CHP1: variants seen among roughly 807,000 people sequenced by gnomAD.
CHP1 encodes the protein calcineurin B homologous protein 1.
A neutral mutation model predicts 27.4 loss-of-function variants in CHP1; 11 were observed. The ratio of observed to expected loss-of-function variants is 0.40; its 90% CI spans 0.25 to 0.67. The LOEUF (loss-of-function observed/expected upper bound fraction) is 0.67. Among genes scored for constraint, CHP1 ranks in the 30% least tolerant of loss-of-function variants. The pLI is 0.38. For synonymous variants in CHP1, 89 were observed against 87.4 expected (o/e 1.02, Z -0.10); for missense variants, 169 against 251.3 (o/e 0.67, Z 2.22).
chr15:41,248,604 T>A (rs2047348063), intron 2 of CHP1, among the ~76,000 whole-genome samples: 1 of 152,028 alleles, frequency 6.6e-6, no homozygotes. Flanking sequence ...TTGATCTCTA[T>A]CATGGTGTGG....
At chr15:41,278,731 C>T (rs762068694) in intron 5 of CHP1, 36 bp from the exon 6 acceptor site, 2 of 1,613,482 alleles carry the variant, frequency 1.2e-6, no homozygotes, top group Non-Finnish European at 8.5e-7. Flanking sequence ...CTCTGATTCC[C>T]AAGGCCCTTG....
At chr15:41,255,890 G>A (rs189436209) in intron 2 of CHP1, among the ~76,000 whole-genome samples, 28 of 152,212 alleles carry the variant, frequency 1.8e-4, no homozygotes, top group Admixed American at 1.8e-3. Flanking sequence ...GGTGGAGAGT[G>A]CCTGTAATCC....
chr15:41,251,640 A>T (rs984078900), intron 2 of CHP1, among the ~76,000 whole-genome samples: 1 of 152,114 alleles, frequency 6.6e-6, no homozygotes, highest in African/African-American at 2.4e-5. Flanking sequence ...TGAACTGCCC[A>T]TGTGAGGGAT....
chr15:41,277,791 G>GAAAAAAAAA (rs559045538), intron 5 of CHP1, among the ~76,000 whole-genome samples: 1 of 117,940 alleles, frequency 8.5e-6, no homozygotes, highest in African/African-American at 3.3e-5. Context: ...TCCGCCTCAG[G>GAAAAAAAAA]AAAAAAAAAA....
At chr15:41,237,217 G>C (rs2047282082) in intron 1 of CHP1, among the ~76,000 whole-genome samples, 1 of 150,410 alleles carries the variant, frequency 6.6e-6, no homozygotes, top group Non-Finnish European at 1.5e-5. Context: ...CGCGATCTCA[G>C]CTCACTGCAA....
intron 1 of CHP1, among the ~76,000 whole-genome samples, chr15:41,241,013 CA>C (rs1343080397): frequency 6.6e-6 from 1 of 152,062 alleles, no homozygotes; most frequent in Non-Finnish European, 1.5e-5. Context: ...CCACCACACC[CA>C]GCAGATTTTT....
intron 2 of CHP1, 86 bp downstream of exon 2, chr15:41,243,825 A>G: frequency 1.9e-6 from 2 of 1,052,404 alleles, no homozygotes; most frequent in South Asian, 2.8e-5. Context: ...CCTAGGGTAG[A>G]CATGATAGAC....
intron 2 of CHP1, among the ~76,000 whole-genome samples, chr15:41,250,854 A>T (rs150948605): frequency 2.5e-3 from 372 of 150,484 alleles, no homozygotes; most frequent in African/African-American, 8.5e-3. Flanking sequence ...TTTTTGAGAC[A>T]GAGTCTCGCT....
chr15:41,279,392 G>T lies in CHP1; in HGVS notation c.*3G>T. 6.2e-7 allele frequency: 1 copy of T among 1,612,318 alleles called. No homozygotes were observed. The highest frequency in any genetic ancestry group is 8.5e-7 in the Non-Finnish European group (1 of 1,179,454). On this transcript the variant is annotated 3_prime_UTR_variant, in exon 7 of 7. Transcript: ENST00000334660. ...TGAGCATCCGATTTCTTCACTAAAG[G>T]AGACCAAACTGTTCCTTGCGGTCTA...
chr15:41,280,108 A>G lies in CHP1; in HGVS notation c.*719A>G, dbSNP rs1001403512. ...TCATCAAAGGCTGCTGGGTGGAGAT[A>G]CCCTTTTTGAAAGGTGGCCTTGGTG... On this transcript the variant is annotated 3_prime_UTR_variant, in exon 7 of 7. Coordinates refer to ENST00000334660, the MANE Select transcript of CHP1 (RefSeq NM_007236.5). 1 of 152,242 alleles carries G rather than the reference A, an allele frequency of 6.6e-6. No individual in the cohort carries two copies. Among genetic ancestry groups the G allele is most frequent in the Non-Finnish European group, 1.5e-5 (1 of 68,098 alleles). 9.4% of individuals were successfully genotyped at this position (152,242 alleles called of 1,614,324 possible). A position where few individuals can be genotyped will look rare whatever the true frequency, so the allele number is the denominator to read the frequency against.
At chr15:41,235,454 G>C (rs1473744450) in intron 1 of CHP1, among the ~76,000 whole-genome samples, 2 of 152,136 alleles carry the variant, frequency 1.3e-5, no homozygotes, top group Non-Finnish European at 2.9e-5. Flanking sequence ...TAGGCGGGAG[G>C]TCAAGGCTGC....
chr15:41,231,362 G>T lies in CHP1; in HGVS notation c.-21G>T. Reference sequence around the variant, plus strand: ...CGTCTCTTCTGGCGCCGCTGCTCCCGGAGGAGCTCCCGGCACGGCGATGGG... The same window carrying T: ...CGTCTCTTCTGGCGCCGCTGCTCCCTGAGGAGCTCCCGGCACGGCGATGGG... On this transcript the variant is annotated 5_prime_UTR_variant, in exon 1 of 7. Transcript: ENST00000334660. 2 of 1,589,090 alleles carry T rather than the reference G, an allele frequency of 1.3e-6. No individual in the cohort carries two copies. Among genetic ancestry groups the T allele is most frequent in the East Asian group, 2.3e-5 (1 of 44,000 alleles).
At chr15:41,250,090 TA>T (rs77882380) in intron 2 of CHP1, among the ~76,000 whole-genome samples, 3,586 of 127,222 alleles carry the variant, frequency 0.028, 86 homozygotes, top group African/African-American at 0.074. Flanking sequence ...GGTGTTATGT[TA>T]AAAAAAAAAA....
chr15:41,253,192 C>T (rs1301794117), intron 2 of CHP1, among the ~76,000 whole-genome samples: 1 of 151,766 alleles, frequency 6.6e-6, no homozygotes. Flanking sequence ...CTGCCTCAGC[C>T]TCCCAAAGTG....
intron 1 of CHP1, among the ~76,000 whole-genome samples, chr15:41,231,764 AC>A (rs1389733952): frequency 6.6e-6 from 1 of 151,882 alleles, no homozygotes; most frequent in Non-Finnish European, 1.5e-5. Context: ...GCCTCGCACC[AC>A]CCTTCCCTAT....
chr15:41,243,667 T>C lies in CHP1; in HGVS notation c.68T>C (p.Phe23Ser). The part of the protein sequence containing the change: ...ELEEIKKETG[F>S]SHSQITRLYS... ...CTGGGACTAATTTTGTGCTCTTTAGTTTCCCACAGTCAAATCACTCGCCTC... is the reference window on the plus strand; with the variant it reads ...CTGGGACTAATTTTGTGCTCTTTAGCTTCCCACAGTCAAATCACTCGCCTC... The change falls in exon 2 of 7, where the codon TTT becomes TCT. Residue 23 changes from phenylalanine to serine, a missense_variant and splice_region_variant. Physicochemically the swap from Phe to Ser is radical, Grantham distance 155. Transcript: ENST00000334660. 1 of 1,613,986 alleles carries C rather than the reference T, an allele frequency of 6.2e-7. No individual in the cohort carries two copies. The highest frequency in any genetic ancestry group is 8.5e-7 in the Non-Finnish European group (1 of 1,179,902).
chr15:41,237,952 C>T (rs985826580), intron 1 of CHP1, among the ~76,000 whole-genome samples: 3 of 152,170 alleles, frequency 2.0e-5, no homozygotes, highest in African/African-American at 7.2e-5. Flanking sequence ...TCGTAATCCA[C>T]CCACCTCCCA....
chr15:41,270,246 G>A (rs912895362), intron 4 of CHP1, among the ~76,000 whole-genome samples: 3 of 151,252 alleles, frequency 2.0e-5, no homozygotes, highest in Non-Finnish European at 2.9e-5. Flanking sequence ...CTAATTTACA[G>A]AACCACGTAA....
chr15:41,232,529 A>G (rs183194032), intron 1 of CHP1, among the ~76,000 whole-genome samples: 49 of 148,934 alleles, frequency 3.3e-4, no homozygotes, highest in Non-Finnish European at 1.9e-4. Context: ...TTTTTTTTTT[A>G]TAGTCCAGTC....
Sources: gnomAD v4.1 joint callset for allele counts (sites outside exome capture counted in the v4.1 genomes callset) on GRCh38, gnomAD v4.1.1 for gene constraint, MANE v1.5 for transcripts, NCBI Gene and HGNC (gene_info 2026-07-23, HGNC 2026-07-21) for gene names.